The following ADAM32 variants were observed in gnomAD, a reference collection of about 807,000 sequenced individuals.
ADAM32 encodes the protein ADAM metallopeptidase domain 32, also known as disintegrin and metalloproteinase domain-containing protein 32.
In ADAM32, 89 loss-of-function variants were observed where a neutral mutation model predicts 114.9. The ratio of observed to expected loss-of-function variants is 0.77; its 90% confidence interval spans 0.65 to 0.92. The LOEUF (loss-of-function observed/expected upper bound fraction) is 0.92. ADAM32 is among the 40% of genes least tolerant of loss of function. The pLI is 0.00. For missense variants in ADAM32, 870 were observed against 932.8 expected (o/e 0.93, Z 0.88); for synonymous variants, 285 against 307.5 (o/e 0.93, Z 0.77).
chr8:39,218,693 G>A (rs1808751815), intron 12 of ADAM32, among the ~76,000 whole-genome samples: 1 of 152,144 alleles, frequency 6.6e-6, no homozygotes, highest in African/African-American at 2.4e-5. Context: ...CTGATGTTGA[G>A]TTTAGGCCCA....
chr8:39,120,900 G>T (rs1840562204), intron 2 of ADAM32, among the ~76,000 whole-genome samples: 1 of 152,108 alleles, frequency 6.6e-6, no homozygotes, highest in Non-Finnish European at 1.5e-5. Context: ...TTTTGTAGAA[G>T]GTAGAAATTG....
intron 6 of ADAM32, among the ~76,000 whole-genome samples, chr8:39,153,166 T>C (rs188850781): frequency 6.6e-6 from 1 of 152,322 alleles, no homozygotes; most frequent in East Asian, 1.9e-4. Context: ...ATCCTATATC[T>C]TAAATAATAC....
At chr8:39,262,968 A>G (rs1812139124) in intron 19 of ADAM32, among the ~76,000 whole-genome samples, 1 of 152,098 alleles carries the variant, frequency 6.6e-6, no homozygotes, top group Non-Finnish European at 1.5e-5. Flanking sequence ...TTGGCTTTGC[A>G]AAGTGCTGGG....
intron 11 of ADAM32, among the ~76,000 whole-genome samples, chr8:39,190,158 TG>T (rs745802115): frequency 6.6e-6 from 1 of 152,244 alleles, no homozygotes; most frequent in Non-Finnish European, 1.5e-5. Flanking sequence ...TACCTTTCTG[TG>T]CCTGGCTTTT....
chr8:39,175,263 G>T (rs13267874), intron 10 of ADAM32, among the ~76,000 whole-genome samples: 1 of 152,162 alleles, frequency 6.6e-6, no homozygotes, highest in Non-Finnish European at 1.5e-5. Flanking sequence ...TCTTGTGCCA[G>T]TTTATAAGGG....
intron 4 of ADAM32, among the ~76,000 whole-genome samples, chr8:39,147,771 CTTTATTTTATTCA>C (rs1803588817): frequency 6.6e-6 from 1 of 151,786 alleles, no homozygotes; most frequent in Admixed American, 6.6e-5. Flanking sequence ...TTATTTATCC[CTTTATTTTATTCA>C]TTTATTTTTG....
At chr8:39,284,344 G>C (rs934611562) in intron 24 of ADAM32, among the ~76,000 whole-genome samples, 1 of 148,698 alleles carries the variant, frequency 6.7e-6, no homozygotes, top group Non-Finnish European at 1.5e-5. Flanking sequence ...AAGATCAAAA[G>C]GCCAAAATAC....
intron 19 of ADAM32, among the ~76,000 whole-genome samples, chr8:39,268,778 T>C (rs564429642): frequency 3.3e-5 from 5 of 152,322 alleles, no homozygotes; most frequent in Admixed American, 1.3e-4. Flanking sequence ...TTAAGAAGTA[T>C]GGAAATAGTA....
At chr8:39,181,529 G>C (rs551447933) in intron 10 of ADAM32, among the ~76,000 whole-genome samples, 2 of 152,126 alleles carry the variant, frequency 1.3e-5, no homozygotes, top group South Asian at 4.1e-4. Flanking sequence ...CACCAATTCC[G>C]GACACATTAA....
chr8:39,211,991 ATCTT>A (rs550527233), intron 12 of ADAM32, among the ~76,000 whole-genome samples: 124 of 152,148 alleles, frequency 8.1e-4, no homozygotes, highest in Non-Finnish European at 1.5e-3. Flanking sequence ...AGAACAAGTC[ATCTT>A]TCTTTATTTT....
At chr8:39,211,368 T>C in intron 12 of ADAM32, 44 bp downstream of exon 12, 3 of 1,401,668 alleles carry the variant, frequency 2.1e-6, no homozygotes, top group Non-Finnish European at 2.8e-6. Flanking sequence ...ATTTATTGTT[T>C]TAATTTATCT....
intron 19 of ADAM32, among the ~76,000 whole-genome samples, chr8:39,262,526 G>A (rs1321875939): frequency 6.6e-6 from 1 of 151,946 alleles, no homozygotes; most frequent in African/African-American, 2.4e-5. Flanking sequence ...TGGCTATTCA[G>A]GGCCTTTTGT....
At chr8:39,110,544 T>C (rs1024357710) in intron 1 of ADAM32, among the ~76,000 whole-genome samples, 10 of 152,230 alleles carry the variant, frequency 6.6e-5, no homozygotes, top group African/African-American at 2.2e-4. Context: ...TTTCAACTCA[T>C]TTGGGTAAAT....
At chr8:39,231,764 C>A (rs560832103) in intron 14 of ADAM32, among the ~76,000 whole-genome samples, 15 of 151,950 alleles carry the variant, frequency 9.9e-5, no homozygotes, top group African/African-American at 3.4e-4. Context: ...TTCACAGAGC[C>A]CTCTTCTAGT....
At chr8:39,184,816 A>G (rs1419292641) in intron 10 of ADAM32, among the ~76,000 whole-genome samples, 1 of 152,212 alleles carries the variant, frequency 6.6e-6, no homozygotes, top group East Asian at 1.9e-4. Context: ...ATGCTCATAT[A>G]TTTTATTTTT....
chr8:39,243,793 GAGAAAGAA>G (rs146755046), intron 16 of ADAM32, among the ~76,000 whole-genome samples: 1 of 151,832 alleles, frequency 6.6e-6, no homozygotes, highest in African/African-American at 2.4e-5. Flanking sequence ...AATCAAACAA[GAGAAAGAA>G]AGAAAGAAAG....
At chr8:39,175,392 T>G (rs1805462292) in intron 10 of ADAM32, among the ~76,000 whole-genome samples, 1 of 151,822 alleles carries the variant, frequency 6.6e-6, no homozygotes, top group South Asian at 2.1e-4. Context: ...GATTTTAACA[T>G]GAAAATTTTT....
chr8:39,284,031 C>G (rs1813621037), intron 24 of ADAM32, among the ~76,000 whole-genome samples: 1 of 152,186 alleles, frequency 6.6e-6, no homozygotes, highest in Non-Finnish European at 1.5e-5. Context: ...CCCTCAGCCT[C>G]CCAAAGTGCT....
At chr8:39,245,433 GT>G (rs1319340268) in intron 16 of ADAM32, among the ~76,000 whole-genome samples, 1 of 152,084 alleles carries the variant, frequency 6.6e-6, no homozygotes, top group Admixed American at 6.6e-5. Context: ...AACACCACCT[GT>G]TCCCCAAAAT....
Sources: allele counts gnomAD v4.1 joint callset (sites outside exome capture counted in the v4.1 genomes callset), GRCh38; gene constraint gnomAD v4.1.1; transcripts MANE v1.5; gene names NCBI Gene and HGNC (gene_info 2026-07-23, HGNC 2026-07-21).